Variants in NXPH2 observed in about 807,000 individuals in gnomAD.
NXPH2 encodes the protein neurexophilin 2, also known as neurexophilin-2.
NXPH2 carries 5 observed loss-of-function variants against 19.8 expected under a neutral mutation model. The ratio of observed to expected loss-of-function variants is 0.25; its 90% CI spans 0.13 to 0.53. The LOEUF (loss-of-function observed/expected upper bound fraction) is 0.53, where lower values mean the gene tolerates loss of function less well. NXPH2 is among the 20% of genes least tolerant of loss of function. The pLI is 0.96. For missense variants in NXPH2, 289 were observed against 322.8 expected (o/e 0.90, Z 0.80); for synonymous variants, 154 against 127.4 (o/e 1.21, Z -1.41).
intron 1 of NXPH2, among the ~76,000 whole-genome samples, chr2:138,721,024 A>G (rs978494017): frequency 9.2e-5 from 14 of 152,238 alleles, no homozygotes; most frequent in African/African-American, 3.1e-4. Context: ...GCATTATTAA[A>G]TACTTTTGTA....
At chr2:138,734,590 GA>G (rs1326794428) in intron 1 of NXPH2, among the ~76,000 whole-genome samples, 1 of 152,204 alleles carries the variant, frequency 6.6e-6, no homozygotes, top group Non-Finnish European at 1.5e-5. Flanking sequence ...GTGAAATAGA[GA>G]GGGTGATCCT....
chr2:138,714,772 A>T (rs908539188), intron 1 of NXPH2, among the ~76,000 whole-genome samples: 1 of 152,256 alleles, frequency 6.6e-6, no homozygotes, highest in South Asian at 2.1e-4. Context: ...GCAAAAGAAC[A>T]CAAGAGCAAA....
At chr2:138,745,840 AG>A (rs1681722497) in intron 1 of NXPH2, among the ~76,000 whole-genome samples, 1 of 152,204 alleles carries the variant, frequency 6.6e-6, no homozygotes, top group Non-Finnish European at 1.5e-5. Context: ...AGAAGCAGGA[AG>A]GTGGTTTAGT....
rs72860147 is a variant in NXPH2 at position 138,669,987 on chromosome 2, C to T, written c.*935G>A. ...TGAATCCATAATCCTGAAATTTCCT[C>T]CCTCTACTTCCCACTTTTGTTTTCT... On this transcript the variant is annotated 3_prime_UTR_variant, in exon 2 of 2. Transcript: ENST00000272641. 0.084 allele frequency among the ~76,000 whole-genome samples: 12,768 copies of T among 152,230 alleles called. 789 individuals are homozygous for T. The highest frequency in any genetic ancestry group is 0.11 in the Non-Finnish European group (7,721 of 68,004).
intron 1 of NXPH2, among the ~76,000 whole-genome samples, chr2:138,693,931 CT>C (rs1381640035): frequency 6.6e-6 from 1 of 152,092 alleles, no homozygotes. Context: ...ACCTGGTAGG[CT>C]TTAAAAATAG....
At chr2:138,706,201 T>G (rs1420345869) in intron 1 of NXPH2, among the ~76,000 whole-genome samples, 2 of 152,222 alleles carry the variant, frequency 1.3e-5, no homozygotes, top group African/African-American at 4.8e-5. Context: ...GTTATCTCAT[T>G]TAGACCTCAC....
intron 1 of NXPH2, among the ~76,000 whole-genome samples, chr2:138,760,114 T>TA (rs1320538164): frequency 6.6e-6 from 1 of 152,138 alleles, no homozygotes; most frequent in South Asian, 2.1e-4. Context: ...TTATTTTAAA[T>TA]AAAAAAATTA....
chr2:138,724,733 G>GT (rs1463075265), intron 1 of NXPH2, among the ~76,000 whole-genome samples: 1 of 152,306 alleles, frequency 6.6e-6, no homozygotes, highest in Admixed American at 6.5e-5. Flanking sequence ...ATATGTGTGT[G>GT]TTTTTTTGTC....
At chr2:138,686,798 G>A (rs1385972938) in intron 1 of NXPH2, among the ~76,000 whole-genome samples, 3 of 152,018 alleles carry the variant, frequency 2.0e-5, no homozygotes, top group Non-Finnish European at 2.9e-5. Flanking sequence ...GAGAATATGC[G>A]GTGTTTGTTT....
rs1042252927 is a variant in NXPH2 at position 138,712,787 on chromosome 2, T to C, written c.52-41122A>G. ...CACTTGGGTTCAGCTCTTATCTTCA[T>C]GTGTGAATGGAAAACTCCATGAAGA... is the stretch of plus-strand genomic sequence containing the variant. On this transcript the variant is annotated intron_variant, in intron 1 of 1. Coordinates refer to ENST00000272641, the MANE Select transcript of NXPH2 (RefSeq NM_007226.3). Among the ~76,000 whole-genome samples the C allele has an allele frequency of 8.5e-5, 13 of 152,172 alleles. 1 individual carries two copies. The highest frequency in any genetic ancestry group is 1.8e-4 in the Non-Finnish European group (12 of 68,050).
In NXPH2 at chr2:138,670,765, A is replaced by G; in HGVS notation, c.*157T>C. ...AAAGAAACAAATTTCACACTTAAAG[A>G]TGTCTCTTTTTCTTTTTTTAAATTT... On this transcript the variant is annotated 3_prime_UTR_variant, in exon 2 of 2. Coordinates refer to ENST00000272641, the MANE Select transcript of NXPH2 (RefSeq NM_007226.3). The G allele has an allele frequency of 1.4e-6, 1 of 708,702 alleles. No individual in the cohort carries two copies. The highest frequency in any genetic ancestry group is 2.2e-6 in the Non-Finnish European group (1 of 461,486). 43.9% of individuals were successfully genotyped at this position (708,702 alleles called of 1,614,324 possible). A position where few individuals can be genotyped will look rare whatever the true frequency, so the allele number is the denominator to read the frequency against.
chr2:138,776,616 G>GTTT (rs79767460), intron 1 of NXPH2, among the ~76,000 whole-genome samples: 28 of 140,132 alleles, frequency 2.0e-4, no homozygotes, highest in South Asian at 6.9e-4. Flanking sequence ...ATATAGTGGT[G>GTTT]TTTTTTTTTT....
intron 1 of NXPH2, among the ~76,000 whole-genome samples, chr2:138,737,563 C>T (rs1207421873): frequency 1.3e-5 from 2 of 152,122 alleles, no homozygotes; most frequent in Admixed American, 6.6e-5. Flanking sequence ...GGTGTCCTTG[C>T]TTTTCACTTC....
chr2:138,730,546 T>C (rs1311877981), intron 1 of NXPH2, among the ~76,000 whole-genome samples: 1 of 152,080 alleles, frequency 6.6e-6, no homozygotes, highest in Admixed American at 6.6e-5. Context: ...ATAAGAAATA[T>C]AACTACACTG....
At chr2:138,742,167 C>CAAA in intron 1 of NXPH2, among the ~76,000 whole-genome samples, 1 of 152,066 alleles carries the variant, frequency 6.6e-6, no homozygotes, top group South Asian at 2.1e-4. Context: ...ATTGATCTTC[C>CAAA]AAAGCTCCAG....
intron 1 of NXPH2, among the ~76,000 whole-genome samples, chr2:138,719,089 C>G (rs1038301440): frequency 6.6e-6 from 1 of 152,072 alleles, no homozygotes; most frequent in African/African-American, 2.4e-5. Flanking sequence ...AGAAAGACAG[C>G]TTTTCATTTT....
At chr2:138,752,401 A>G (rs1419477311) in intron 1 of NXPH2, among the ~76,000 whole-genome samples, 7 of 152,168 alleles carry the variant, frequency 4.6e-5, no homozygotes, top group Admixed American at 3.3e-4. Flanking sequence ...GCCAGTTCAA[A>G]AGAGATATCT....
intron 1 of NXPH2, among the ~76,000 whole-genome samples, chr2:138,745,639 A>G (rs1487421607): frequency 2.0e-5 from 3 of 152,356 alleles, no homozygotes; most frequent in Non-Finnish European, 4.4e-5. Flanking sequence ...AAATTGTGGC[A>G]TAGTTATATA....
At chr2:138,687,015 G>A (rs1323963085) in intron 1 of NXPH2, among the ~76,000 whole-genome samples, 1 of 152,166 alleles carries the variant, frequency 6.6e-6, no homozygotes, top group Non-Finnish European at 1.5e-5. Context: ...ATAAACATAT[G>A]TGTGCATGTG....
Sources: allele counts gnomAD v4.1 joint callset (sites outside exome capture counted in the v4.1 genomes callset), GRCh38; gene constraint gnomAD v4.1.1; transcripts MANE v1.5; gene names NCBI Gene and HGNC (gene_info 2026-07-23, HGNC 2026-07-21).